The following ZNF536 variants were observed in gnomAD, a reference collection of about 807,000 sequenced individuals.
ZNF536 encodes the protein zinc finger protein 536.
Under a neutral mutation model 84.5 loss-of-function variants are expected in ZNF536, and 13 were observed. The ratio of observed to expected loss-of-function variants is 0.15; its 90% CI spans 0.10 to 0.24. The LOEUF is 0.24. Ranked by LOEUF, ZNF536 falls within the 10% of genes least tolerant of loss-of-function variation. ZNF536 has a pLI of 1.00. For missense variants in ZNF536, 1,536 were observed against 1,747.5 expected (o/e 0.88, Z 2.16); for synonymous variants, 811 against 742.5 (o/e 1.09, Z -1.50).
At chr19:30,561,773 A>G (rs535956861), downstream of ZNF536, among the ~76,000 whole-genome samples, 15 of 149,780 alleles carry the variant, frequency 1.0e-4, no homozygotes, top group African/African-American at 3.2e-4. Context: ...AGCCCACCTG[A>G]TGGCCAACCA....
intron 1 of ZNF536, among the ~76,000 whole-genome samples, chr19:30,236,296 A>G (rs1174408299): frequency 1.3e-5 from 2 of 152,226 alleles, no homozygotes; most frequent in Non-Finnish European, 2.9e-5. Flanking sequence ...GCCTGCCTGG[A>G]GCTCTCATGG....
intron 1 of ZNF536, among the ~76,000 whole-genome samples, chr19:30,705,486 G>GTACT (rs146161937): frequency 0.022 from 3,404 of 152,244 alleles, 121 homozygotes; most frequent in African/African-American, 0.075. Flanking sequence ...GGGTGACTAA[G>GTACT]TACTTTATAT....
chr19:30,689,850 T>A (rs1453141504), intron 1 of ZNF536, among the ~76,000 whole-genome samples: 1 of 152,208 alleles, frequency 6.6e-6, no homozygotes, highest in Non-Finnish European at 1.5e-5. Flanking sequence ...ACAGGCTTGT[T>A]CCTGAAGGCT....
chr19:30,549,766 G>C (rs1054843045), intron 4 of ZNF536, among the ~76,000 whole-genome samples: 2 of 152,180 alleles, frequency 1.3e-5, no homozygotes, highest in South Asian at 2.1e-4. Context: ...CATGGAAAAG[G>C]GGGTGGTCGC....
intron 1 of ZNF536, among the ~76,000 whole-genome samples, chr19:30,248,066 A>G (rs574931713): frequency 1.3e-5 from 2 of 152,322 alleles, no homozygotes; most frequent in Admixed American, 1.3e-4. Flanking sequence ...AGCCACATGT[A>G]CAGCGTCCAC....
chr19:30,453,049 G>A (rs1330277783), intron 2 of ZNF536, among the ~76,000 whole-genome samples: 5 of 152,150 alleles, frequency 3.3e-5, no homozygotes, highest in Non-Finnish European at 5.9e-5. Flanking sequence ...AGCTGAGAGC[G>A]GCCATGGGTC....
At chr19:30,689,605 A>C (rs2051328760) in intron 1 of ZNF536, among the ~76,000 whole-genome samples, 1 of 152,224 alleles carries the variant, frequency 6.6e-6, no homozygotes, top group Non-Finnish European at 1.5e-5. Context: ...TCCCTCTCAA[A>C]GGTACATGGC....
intron 2 of ZNF536, among the ~76,000 whole-genome samples, chr19:30,288,859 T>A (rs147383487): frequency 7.9e-4 from 120 of 152,320 alleles, no homozygotes; most frequent in African/African-American, 2.8e-3. Context: ...CCTTTCTCCA[T>A]CTTTATTCAA....
chr19:30,239,822 C>G (rs1057353489), intron 1 of ZNF536, among the ~76,000 whole-genome samples: 1 of 152,162 alleles, frequency 6.6e-6, no homozygotes, highest in East Asian at 1.9e-4. Context: ...CAGTCCAAAT[C>G]CGTCTTGCTC....
At chr19:30,616,491 A>G (rs935335433) in intron 1 of ZNF536, among the ~76,000 whole-genome samples, 6 of 152,146 alleles carry the variant, frequency 3.9e-5, no homozygotes, top group African/African-American at 1.4e-4. Context: ...ACCTCTTTTT[A>G]TTTAAGGAAA....
chr19:30,585,808 C>T (rs1173812269), intron 1 of ZNF536, among the ~76,000 whole-genome samples: 1 of 152,176 alleles, frequency 6.6e-6, no homozygotes, highest in East Asian at 1.9e-4. Context: ...CGTCCCCCAA[C>T]AAGCCTTTCC....
intron 1 of ZNF536, among the ~76,000 whole-genome samples, chr19:30,442,087 TG>T (rs1778124181): frequency 6.6e-6 from 1 of 152,144 alleles, no homozygotes; most frequent in African/African-American, 2.4e-5. Context: ...ATCTAAACAA[TG>T]GGATGCAAGA....
chr19:30,434,842 TAATG>T (rs2051640216), intron 1 of ZNF536, among the ~76,000 whole-genome samples: 1 of 151,586 alleles, frequency 6.6e-6, no homozygotes, highest in African/African-American at 2.4e-5. Context: ...ATGGTAATGA[TAATG>T]ATGATGATGG....
At chr19:30,481,043 A>G (rs1599528055) in intron 2 of ZNF536, among the ~76,000 whole-genome samples, 1 of 151,710 alleles carries the variant, frequency 6.6e-6, no homozygotes, top group East Asian at 1.9e-4. Context: ...AAAAAAAAAA[A>G]AGGGTGGGTT....
chr19:30,642,606 G>C (rs1287763890), intron 1 of ZNF536, among the ~76,000 whole-genome samples: 1 of 152,178 alleles, frequency 6.6e-6, no homozygotes, highest in Non-Finnish European at 1.5e-5. Context: ...CTGTCATTAC[G>C]GAGAGGAGGC....
intron 1 of ZNF536, among the ~76,000 whole-genome samples, chr19:30,680,584 A>G (rs1207408864): frequency 2.0e-5 from 3 of 152,100 alleles, no homozygotes; most frequent in Non-Finnish European, 2.9e-5. Flanking sequence ...ACATGAACTC[A>G]TCATTTTCTG....
At chr19:30,364,902 T>A (rs2048380008) in intron 3 of ZNF536, among the ~76,000 whole-genome samples, 1 of 152,290 alleles carries the variant, frequency 6.6e-6, no homozygotes, top group South Asian at 2.1e-4. Flanking sequence ...AATGGAAAAA[T>A]TAGCAGATTC....
chr19:30,698,849 A>G (rs1423981615), intron 1 of ZNF536, among the ~76,000 whole-genome samples: 1 of 152,192 alleles, frequency 6.6e-6, no homozygotes, highest in Non-Finnish European at 1.5e-5. Context: ...GAGTAGGGAG[A>G]TATGCTCCGT....
intron 1 of ZNF536, among the ~76,000 whole-genome samples, chr19:30,621,051 T>C (rs932765319): frequency 6.6e-6 from 1 of 152,128 alleles, no homozygotes; most frequent in Non-Finnish European, 1.5e-5. Flanking sequence ...AAATAGAAAA[T>C]AACTGCTCTG....
Sources: gnomAD v4.1 joint callset for allele counts (sites outside exome capture counted in the v4.1 genomes callset) on GRCh38, gnomAD v4.1.1 for gene constraint, MANE v1.5 for transcripts, NCBI Gene and HGNC (gene_info 2026-07-23, HGNC 2026-07-21) for gene names.